FOXP1: variants seen among roughly 807,000 people sequenced by gnomAD.
The protein encoded by FOXP1 is forkhead box protein P1.
A neutral mutation model predicts 98.2 loss-of-function variants in FOXP1; 15 were observed. That is an observed-to-expected ratio of 0.15 (90% CI 0.10 to 0.24). The LOEUF (loss-of-function observed/expected upper bound fraction) is 0.24, where lower values mean the gene tolerates loss of function less well. FOXP1 is among the 10% of genes least tolerant of loss of function. The pLI is 1.00. For synonymous variants in FOXP1, 371 were observed against 314.5 expected (o/e 1.18, Z -1.90); for missense variants, 633 against 848.5 (o/e 0.75, Z 3.15).
intron 4 of FOXP1, among the ~76,000 whole-genome samples, chr3:71,300,466 T>G (rs2073749223): frequency 6.6e-6 from 1 of 152,140 alleles, no homozygotes; most frequent in Non-Finnish European, 1.5e-5. Flanking sequence ...GCTACTAAGT[T>G]AAATTAAAAA....
intron 14 of FOXP1, among the ~76,000 whole-genome samples, chr3:70,980,108 C>T (rs1214650799): frequency 1.3e-5 from 2 of 152,188 alleles, no homozygotes; most frequent in African/African-American, 2.4e-5. Context: ...GGAAACCTGG[C>T]TTTCTGACAC....
intron 5 of FOXP1, among the ~76,000 whole-genome samples, chr3:71,267,118 G>GGAGAGA (rs112093872): frequency 2.8e-4 from 40 of 143,406 alleles, no homozygotes; most frequent in African/African-American, 9.9e-4. Flanking sequence ...GCATTTTATG[G>GGAGAGA]GAGAGAGTGT....
At chr3:71,126,856 A>AC (rs1491104336) in intron 6 of FOXP1, among the ~76,000 whole-genome samples, 1 of 35,614 alleles carries the variant, frequency 2.8e-5, no homozygotes, top group Admixed American at 4.1e-4. Flanking sequence ...AACCAAAAAG[A>AC]AAAAAAAAAA....
chr3:71,413,860 T>G (rs1036862094), intron 3 of FOXP1, among the ~76,000 whole-genome samples: 2 of 152,194 alleles, frequency 1.3e-5, no homozygotes, highest in African/African-American at 4.8e-5. Context: ...TCGTTACCTG[T>G]AGGCACTTTT....
At chr3:71,194,593 G>GAA (rs11411957) in intron 6 of FOXP1, among the ~76,000 whole-genome samples, 140 of 150,220 alleles carry the variant, frequency 9.3e-4, no homozygotes, top group Non-Finnish European at 6.8e-4. Context: ...TTTCTTTAAG[G>GAA]AAAAAAAAAA....
intron 11 of FOXP1, among the ~76,000 whole-genome samples, chr3:71,037,566 T>C (rs1401278809): frequency 6.6e-6 from 1 of 152,206 alleles, no homozygotes; most frequent in African/African-American, 2.4e-5. Flanking sequence ...CTGCTTCCTC[T>C]TGCTGCTCCC....
chr3:71,456,814 T>C (rs1361356007), intron 3 of FOXP1, among the ~76,000 whole-genome samples: 1 of 152,148 alleles, frequency 6.6e-6, no homozygotes, highest in Non-Finnish European at 1.5e-5. Flanking sequence ...GGTAGTTTTT[T>C]TTTTTTTCTG....
intron 6 of FOXP1, among the ~76,000 whole-genome samples, chr3:71,163,060 C>T (rs1402846874): frequency 2.6e-5 from 4 of 152,156 alleles, no homozygotes; most frequent in African/African-American, 9.7e-5. Context: ...CAAATACAAA[C>T]TAGAAAGAAA....
intron 17 of FOXP1, among the ~76,000 whole-genome samples, chr3:70,974,125 G>A (rs762172796): frequency 1.3e-5 from 2 of 152,074 alleles, no homozygotes; most frequent in Non-Finnish European, 2.9e-5. Context: ...CAGCATAATT[G>A]AGGTCGGTTC....
chr3:71,381,965 G>T (rs1032013890), intron 3 of FOXP1, among the ~76,000 whole-genome samples: 2 of 151,826 alleles, frequency 1.3e-5, no homozygotes, highest in South Asian at 2.1e-4. Context: ...GCAAATGACT[G>T]AATTAACATT....
chr3:71,583,799 A>AGCGCCGGTGGCG (rs2048383582), upstream of FOXP1: 1 of 984,652 alleles, frequency 1.0e-6, no homozygotes, highest in Admixed American at 6.2e-5. Context: ...GAGCCCAGCC[A>AGCGCCGGTGGCG]GCGCCGGTGG....
intron 6 of FOXP1, among the ~76,000 whole-genome samples, chr3:71,187,025 A>G (rs2062688779): frequency 6.6e-6 from 1 of 152,248 alleles, no homozygotes; most frequent in South Asian, 2.1e-4. Context: ...TTTCAACAGA[A>G]CTTTTATTTA....
At chr3:71,561,975 T>C (rs2046575949) in intron 2 of FOXP1, among the ~76,000 whole-genome samples, 1 of 152,214 alleles carries the variant, frequency 6.6e-6, no homozygotes, top group Non-Finnish European at 1.5e-5. Context: ...GGGCTGATTC[T>C]AGACCACTAC....
At chr3:71,244,798 C>A (rs759709571) in intron 5 of FOXP1, 2 of 151,884 alleles carry the variant, frequency 1.3e-5, no homozygotes, top group Non-Finnish European at 2.9e-5. Context: ...ATGTCTATAT[C>A]ACTGATGAGC....
chr3:71,514,672 T>C (rs2042433291), intron 2 of FOXP1, among the ~76,000 whole-genome samples: 1 of 152,176 alleles, frequency 6.6e-6, no homozygotes, highest in African/African-American at 2.4e-5. Flanking sequence ...CCTCCTTTTT[T>C]CTCCTTCATA....
intron 7 of FOXP1, among the ~76,000 whole-genome samples, chr3:71,087,659 T>C (rs1050121790): frequency 1.3e-5 from 2 of 152,212 alleles, no homozygotes; most frequent in Non-Finnish European, 2.9e-5. Context: ...AGAAAAACCC[T>C]GCTTTGCTGT....
chr3:71,078,746 G>A (rs1038180208), intron 7 of FOXP1, among the ~76,000 whole-genome samples: 1 of 151,494 alleles, frequency 6.6e-6, no homozygotes, highest in Non-Finnish European at 1.5e-5. Context: ...TGCCTCCAAA[G>A]GCTCTTCACT....
chr3:71,104,558 T>C (rs831437), intron 7 of FOXP1, among the ~76,000 whole-genome samples: 27 of 152,250 alleles, frequency 1.8e-4, no homozygotes, highest in African/African-American at 5.5e-4. Context: ...TCACATCCTC[T>C]AACTGTCATC....
At chr3:71,011,726 T>G (rs1018387306) in intron 12 of FOXP1, among the ~76,000 whole-genome samples, 1 of 152,174 alleles carries the variant, frequency 6.6e-6, no homozygotes, top group African/African-American at 2.4e-5. Flanking sequence ...CAAGCAACAG[T>G]TGCAGGTTGA....
Sources: gnomAD v4.1 joint callset for allele counts (sites outside exome capture counted in the v4.1 genomes callset) on GRCh38, gnomAD v4.1.1 for gene constraint, MANE v1.5 for transcripts, NCBI Gene and HGNC (gene_info 2026-07-23, HGNC 2026-07-21) for gene names.